The following HAVCR1 variants were observed in gnomAD, a reference collection of about 807,000 sequenced individuals.
HAVCR1 encodes the protein hepatitis A virus cellular receptor 1.
Under a neutral mutation model 32.0 loss-of-function variants are expected in HAVCR1, and 34 were observed. That is an observed-to-expected ratio of 1.06 (90% CI 0.81 to 1.42). The LOEUF is 1.42. Among genes scored for constraint, HAVCR1 ranks in the 40% most tolerant of loss-of-function variants. The pLI is 0.00. For synonymous variants in HAVCR1, 178 were observed against 170.3 expected (o/e 1.05, Z -0.35); for missense variants, 420 against 442.3 (o/e 0.95, Z 0.45).
chr5:157,031,933 T>C (rs72805148), intron 8 of HAVCR1, among the ~76,000 whole-genome samples: 2,425 of 152,106 alleles, frequency 0.016, 37 homozygotes, highest in Non-Finnish European at 0.024. Flanking sequence ...CAGGGAATGA[T>C]GGAAGCTGTG....
At chr5:157,064,619 C>T in the HAVCR1 span, among the ~76,000 whole-genome samples, 1 of 152,016 alleles carries the variant, frequency 6.6e-6, no homozygotes, top group Non-Finnish European at 1.5e-5. Context: ...GTAATCCTAA[C>T]ACCTTGGGAG....
At chr5:157,056,395 T>C (rs1464131458) in intron 2 of HAVCR1, among the ~76,000 whole-genome samples, 1 of 151,830 alleles carries the variant, frequency 6.6e-6, no homozygotes, top group African/African-American at 2.4e-5. Flanking sequence ...CTTTTTTTTT[T>C]TTGAGACAGA....
intron 3 of HAVCR1, among the ~76,000 whole-genome samples, chr5:157,054,315 CA>C (rs1426421743): frequency 1.3e-5 from 2 of 151,302 alleles, no homozygotes; most frequent in African/African-American, 4.9e-5. Flanking sequence ...GCCTGGCCAA[CA>C]TGGTGAAACC....
upstream of HAVCR1, among the ~76,000 whole-genome samples, chr5:157,062,567 A>G (rs1340201207): frequency 6.6e-6 from 1 of 151,668 alleles, no homozygotes; most frequent in Non-Finnish European, 1.5e-5. Context: ...GGACTCACCA[A>G]CTCCACATCA....
At chr5:157,058,030 T>C in intron 1 of HAVCR1, 75 bp from the exon 2 acceptor site, 1 of 1,021,208 alleles carries the variant, frequency 9.8e-7, no homozygotes, top group African/African-American at 1.6e-5. Context: ...AAATCTCAGA[T>C]TGCAACTTAT....
At chr5:157,032,758 T>C in intron 8 of HAVCR1, 96 bp downstream of exon 8, 4 of 765,410 alleles carry the variant, frequency 5.2e-6, no homozygotes, top group Non-Finnish European at 9.3e-6. Context: ...GGATCCAAGG[T>C]ATGCGATGGA....
rs1754598406 is a variant in HAVCR1, at chr5:157,037,323, G to A, written c.876C>T (p.Thr292=). ...FLEHSLLTAN[T]TKGIYAGVCI... ...AGACTCCAGCATAGATTCCTTTAGTGGTATTGGCCGTCAGTAGACTATGTT... is the reference window on the plus strand; with the variant it reads ...AGACTCCAGCATAGATTCCTTTAGTAGTATTGGCCGTCAGTAGACTATGTT... Residue 292 remains threonine (T), a synonymous_variant, in exon 7 of 9, where the codon ACC becomes ACT. Coordinates refer to ENST00000523175, the MANE Select transcript of HAVCR1 (RefSeq NM_001173393.3). 1 of 1,596,186 alleles carries A rather than the reference G, an allele frequency of 6.3e-7. No homozygotes were observed. The highest frequency in any genetic ancestry group is 1.3e-5 in the African/African-American group (1 of 74,668).
chr5:157,062,114 G>A (rs1252223356), upstream of HAVCR1, among the ~76,000 whole-genome samples: 2 of 152,188 alleles, frequency 1.3e-5, no homozygotes, highest in African/African-American at 2.4e-5. Context: ...GTAGGGTAAA[G>A]CTGGAAGTGA....
chr5:157,038,884 C>T (rs1754699731), intron 6 of HAVCR1, among the ~76,000 whole-genome samples: 3 of 152,198 alleles, frequency 2.0e-5, no homozygotes, highest in Admixed American at 6.5e-5. Flanking sequence ...AATCCTAGCA[C>T]TTTGGGAGGC....
chr5:157,060,621 C>T (rs140951191), upstream of HAVCR1, among the ~76,000 whole-genome samples: 831 of 152,036 alleles, frequency 5.5e-3, 6 homozygotes, highest in East Asian at 0.039. Context: ...GAGTGCTGCC[C>T]GGTAGAATTT....
the HAVCR1 span, among the ~76,000 whole-genome samples, chr5:157,068,137 G>A: frequency 1.3e-5 from 2 of 152,122 alleles, no homozygotes; most frequent in African/African-American, 4.8e-5. Context: ...AGCCAGGCAT[G>A]GTTGCGGGTG....
intron 2 of HAVCR1, among the ~76,000 whole-genome samples, chr5:157,056,450 GCTCACTGCAAGCTCCGC>G (rs1756152559): frequency 6.7e-6 from 1 of 150,320 alleles, no homozygotes; most frequent in African/African-American, 2.4e-5. Flanking sequence ...TGTGATCTCG[GCTCACTGCAAGCTCCGC>G]CTCCCAGGTT....
In HAVCR1 at chr5:157,029,505, G is replaced by T; in HGVS notation, c.*228C>A. The T allele has an allele frequency of 9.9e-7, 1 of 1,012,914 alleles. No individual in the cohort carries two copies. The highest frequency in any genetic ancestry group is 1.5e-5 in the South Asian group (1 of 68,620). 62.7% of individuals were successfully genotyped at this position (1,012,914 alleles called of 1,614,324 possible). On this transcript the variant is annotated 3_prime_UTR_variant, in exon 9 of 9. Transcript: ENST00000523175. ...GAGAGAAAACTGCAATGATCAGAAG[G>T]ATTGAGCCAGTTTTAGCATAAAAAA...
intron 3 of HAVCR1, 90 bp downstream of exon 3, chr5:157,055,111 G>A (rs1756032436): frequency 1.0e-5 from 7 of 676,650 alleles, no homozygotes; most frequent in Non-Finnish European, 1.8e-5. Flanking sequence ...GGACTTACGG[G>A]AACCTCCTCT....
chr5:157,039,825 G>A (rs1439437798), intron 6 of HAVCR1, among the ~76,000 whole-genome samples: 1 of 152,110 alleles, frequency 6.6e-6, no homozygotes, highest in Non-Finnish European at 1.5e-5. Flanking sequence ...CCAGGAAAGT[G>A]ACCTACTGGG....
At chr5:157,036,878 T>G (rs967609918) in intron 7 of HAVCR1, among the ~76,000 whole-genome samples, 2 of 151,218 alleles carry the variant, frequency 1.3e-5, no homozygotes, top group Non-Finnish European at 2.9e-5. Flanking sequence ...TGTTTTGTTT[T>G]GCTTTTTTGT....
At chr5:157,044,617 G>GAGAAAGAAAGAAAGAAAGAA (rs1755218647) in intron 5 of HAVCR1, among the ~76,000 whole-genome samples, 2 of 31,970 alleles carry the variant, frequency 6.3e-5, no homozygotes, top group Non-Finnish European at 1.3e-4. Context: ...GAAAGAAAGA[G>GAGAAAGAAAGAAAGAAAGAA]AAAGAAAGAA....
the HAVCR1 span, among the ~76,000 whole-genome samples, chr5:157,066,696 C>T: frequency 6.6e-6 from 1 of 152,102 alleles, no homozygotes; most frequent in Non-Finnish European, 1.5e-5. Flanking sequence ...TAATTCACAA[C>T]CAGGGATAGC....
At chr5:157,033,015 G>A (rs1307960862) in intron 7 of HAVCR1, 128 bp from the exon 8 acceptor site, 14 of 607,306 alleles carry the variant, frequency 2.3e-5, no homozygotes, top group South Asian at 1.2e-4. Context: ...GTACCTTGAG[G>A]TGTCTCCTTC....
Sources: gnomAD v4.1 joint callset for allele counts (sites outside exome capture counted in the v4.1 genomes callset) on GRCh38, gnomAD v4.1.1 for gene constraint, MANE v1.5 for transcripts, NCBI Gene and HGNC (gene_info 2026-07-23, HGNC 2026-07-21) for gene names.